EDNRA: variants seen among roughly 807,000 people sequenced by gnomAD.
The protein encoded by EDNRA is endothelin-1 receptor.
In EDNRA, 11 loss-of-function variants were observed where a neutral mutation model predicts 41.4. That is an observed-to-expected ratio of 0.27 (90% CI 0.17 to 0.44). The LOEUF (loss-of-function observed/expected upper bound fraction) is 0.44, where lower values mean the gene tolerates loss of function less well. Among genes scored for constraint, EDNRA ranks in the 20% least tolerant of loss-of-function variants. The pLI is 1.00. For missense variants in EDNRA, 294 were observed against 531.0 expected (o/e 0.55, Z 4.39); for synonymous variants, 172 against 183.0 (o/e 0.94, Z 0.49).
At chr4:147,542,277 G>C (rs1340483494) in intron 7 of EDNRA, among the ~76,000 whole-genome samples, 1 of 152,136 alleles carries the variant, frequency 6.6e-6, no homozygotes, top group African/African-American at 2.4e-5. Context: ...GAGAAACAAG[G>C]GTTCTATTTC....
intron 7 of EDNRA, among the ~76,000 whole-genome samples, chr4:147,541,642 G>C (rs949397972): frequency 6.6e-6 from 1 of 152,122 alleles, no homozygotes; most frequent in Non-Finnish European, 1.5e-5. Flanking sequence ...ACACAGTAAC[G>C]ACCTGCATGG....
chr4:147,535,160 GT>G (rs1197265899), intron 4 of EDNRA, among the ~76,000 whole-genome samples: 1 of 152,130 alleles, frequency 6.6e-6, no homozygotes, highest in Non-Finnish European at 1.5e-5. Context: ...TTTTTATAGG[GT>G]ATTAAGTTTT....
chr4:147,529,945 C>G (rs995225106), intron 3 of EDNRA, among the ~76,000 whole-genome samples: 1 of 152,088 alleles, frequency 6.6e-6, no homozygotes, highest in African/African-American at 2.4e-5. Flanking sequence ...GGAAAATATT[C>G]TAATTTTCAG....
At chr4:147,487,479 T>C (rs1048507407) in intron 2 of EDNRA, among the ~76,000 whole-genome samples, 1 of 152,232 alleles carries the variant, frequency 6.6e-6, no homozygotes, top group African/African-American at 2.4e-5. Context: ...TTTTTCCTTC[T>C]ATGTATTATG....
chr4:147,519,463 A>G lies in EDNRA; in HGVS notation c.421-388A>G, dbSNP rs1730237162. Among the ~76,000 whole-genome samples the G allele has an allele frequency of 6.6e-6, 1 of 151,922 alleles. No individual in the cohort carries two copies. The highest frequency in any genetic ancestry group is 1.5e-5 in the Non-Finnish European group (1 of 67,972). On this transcript the variant is annotated intron_variant, in intron 2 of 7. Transcript: ENST00000651419. This position sits in a 1 kb window ranked among gnomAD's most constrained non-coding sequence, Gnocchi z 4.1. ...CCCAAACTTTTACTACTGTTTGAAA[A>G]GTAGGCAGCGTGACTAGTTGATGTG...
chr4:147,519,468 G>T lies in EDNRA; in HGVS notation c.421-383G>T, dbSNP rs1730237500. Among the ~76,000 whole-genome samples, 1 of 151,752 alleles carries T rather than the reference G, an allele frequency of 6.6e-6. No individual in the cohort carries two copies. Among genetic ancestry groups the T allele is most frequent in the South Asian group, 2.1e-4 (1 of 4,804 alleles). On this transcript the variant is annotated intron_variant, in intron 2 of 7. Coordinates refer to ENST00000651419, the MANE Select transcript of EDNRA (RefSeq NM_001957.4). This position sits in a 1 kb window ranked among gnomAD's most constrained non-coding sequence, Gnocchi z 4.1. Reference sequence around the variant, plus strand: ...ACTTTTACTACTGTTTGAAAAGTAGGCAGCGTGACTAGTTGATGTGAGATC... The same window carrying T: ...ACTTTTACTACTGTTTGAAAAGTAGTCAGCGTGACTAGTTGATGTGAGATC...
In EDNRA at chr4:147,509,714, G is replaced by A. The variant is rs538705391; in HGVS notation, c.421-10137G>A. On this transcript the variant is annotated intron_variant, in intron 2 of 7. Transcript: ENST00000651419. ...ACTGCACACACAAGGGATCTAGATTGTGCATTCCTTATGAGAATCTAACGC... is the reference window on the plus strand; with the variant it reads ...ACTGCACACACAAGGGATCTAGATTATGCATTCCTTATGAGAATCTAACGC... Among the ~76,000 whole-genome samples, 52 of 152,056 alleles carry A rather than the reference G, an allele frequency of 3.4e-4. No individual in the cohort carries two copies. The South Asian group carries it at 4.6e-3, about 13-fold the overall frequency.
chr4:147,505,285 T>C lies in EDNRA; in HGVS notation c.421-14566T>C, dbSNP rs188750769. The stretch of plus-strand genomic sequence containing the variant: ...AGAGAAACTGCTGGTGGAAACGGAA[T>C]GTAGAGCCACTCTGTAAGAGAGTTT... On this transcript the variant is annotated intron_variant, in intron 2 of 7. Transcript: ENST00000651419. Among the ~76,000 whole-genome samples, 3 of 147,448 alleles carry C rather than the reference T, an allele frequency of 2.0e-5. No individual in the cohort carries two copies. In the East Asian group the frequency reaches 5.9e-4, roughly 29 times the overall value.
chr4:147,506,742 C>G (rs1331131092), intron 2 of EDNRA: 2 of 302,994 alleles, frequency 6.6e-6, no homozygotes, highest in East Asian at 1.9e-4. Flanking sequence ...CAGACATCAC[C>G]AAGGAGAAGA....
chr4:147,534,358 A>G (rs986721039), intron 4 of EDNRA, among the ~76,000 whole-genome samples: 1 of 152,212 alleles, frequency 6.6e-6, no homozygotes, highest in Non-Finnish European at 1.5e-5. Context: ...GAACAGGGAA[A>G]TGTTTGTGTA....
At chr4:147,495,485 A>G (rs1729272668) in intron 2 of EDNRA, 1 of 152,244 alleles carries the variant, frequency 6.6e-6, no homozygotes, top group Non-Finnish European at 1.5e-5. Context: ...TAAGTCTTGC[A>G]GATGGCCTTG....
At chr4:147,536,967 C>A (rs995845407) in intron 5 of EDNRA, among the ~76,000 whole-genome samples, 4 of 152,054 alleles carry the variant, frequency 2.6e-5, no homozygotes, top group African/African-American at 9.7e-5. Context: ...CTAATAGTAC[C>A]CAGCTCCTAG....
At chr4:147,505,982 A>C (rs925964637) in intron 2 of EDNRA, 2 of 359,876 alleles carry the variant, frequency 5.6e-6, no homozygotes, top group African/African-American at 4.3e-5. Flanking sequence ...TGCAATTACC[A>C]TAAGACCCAG....
At chr4:147,508,912 G>GA (rs1729825982) in intron 2 of EDNRA, among the ~76,000 whole-genome samples, 1 of 152,030 alleles carries the variant, frequency 6.6e-6, no homozygotes, top group Non-Finnish European at 1.5e-5. Context: ...CATTTTGTCA[G>GA]AATTGTTTTG....
At chr4:147,537,710 A>G (rs1240807938) in intron 5 of EDNRA, among the ~76,000 whole-genome samples, 1 of 152,124 alleles carries the variant, frequency 6.6e-6, no homozygotes, top group Non-Finnish European at 1.5e-5. Context: ...GATTCCTCCA[A>G]GCACCCTCTG....
At chr4:147,539,703 CTCT>C (rs2126486932) in intron 5 of EDNRA, 111 bp from the exon 6 acceptor site, 2 of 1,246,824 alleles carry the variant, frequency 1.6e-6, no homozygotes, top group East Asian at 2.4e-5. Flanking sequence ...GTTCTCCTGG[CTCT>C]TCTTTGAATT....
intron 3 of EDNRA, among the ~76,000 whole-genome samples, chr4:147,521,362 A>G (rs149087198): frequency 2.6e-5 from 4 of 152,332 alleles, no homozygotes; most frequent in African/African-American, 7.2e-5. Flanking sequence ...TCTATTAATA[A>G]TACCCTTCAG....
Position 147,505,327 on chromosome 4 carries a change from ATTTTTTTTTTTT to A in EDNRA, c.421-14507_421-14496del, listed in dbSNP as rs869077171. On this transcript the variant is annotated intron_variant, in intron 2 of 7. Coordinates refer to ENST00000651419, the MANE Select transcript of EDNRA (RefSeq NM_001957.4). ...AGAGAGTTTGGCAGTTTCTTTTTTCATTTTTTTTTTTTTTTTTTTTTTTTTTTTGGAGGTGGA... is the reference window on the plus strand; with the variant it reads ...AGAGAGTTTGGCAGTTTCTTTTTTCATTTTTTTTTTTTTTTTGGAGGTGGA... Among the ~76,000 whole-genome samples, 80 of 79,682 alleles carry A rather than the reference ATTTTTTTTTTTT, an allele frequency of 1.0e-3. 2 individuals are homozygous for A. In the South Asian group the frequency reaches 0.029, roughly 29 times the overall value. 52.3% of individuals were successfully genotyped at this position (79,682 alleles called of 152,430 possible).
intron 4 of EDNRA, among the ~76,000 whole-genome samples, chr4:147,534,909 A>T (rs2126478834): frequency 6.6e-6 from 1 of 152,274 alleles, no homozygotes; most frequent in Non-Finnish European, 1.5e-5. Context: ...TGTCTTTAGG[A>T]ACCATTTTTA....
Sources: allele counts gnomAD v4.1 joint callset (sites outside exome capture counted in the v4.1 genomes callset), GRCh38; gene constraint gnomAD v4.1.1; non-coding constraint Gnocchi (gnomAD v3.1); transcripts MANE v1.5; gene names NCBI Gene and HGNC (gene_info 2026-07-23, HGNC 2026-07-21).